The following PIAS1 variants were observed in gnomAD, a reference collection of about 807,000 sequenced individuals.
PIAS1 encodes E3 SUMO-protein ligase PIAS1.
A neutral mutation model predicts 71.3 loss-of-function variants in PIAS1; 6 were observed. The observed-to-expected ratio is 0.08, with a 90% CI of 0.05 to 0.17. PIAS1 has a LOEUF of 0.17. Ranked by LOEUF, PIAS1 falls within the 10% of genes least tolerant of loss-of-function variation. The pLI is 1.00. For missense variants in PIAS1, 555 were observed against 793.6 expected, an observed-to-expected ratio of 0.70 and a Z score of 3.61; for synonymous variants, 303 against 292.9, an observed-to-expected ratio of 1.03 and a Z score of -0.35.
At chr15:68,155,468 A>G (rs1028310273) in intron 7 of PIAS1, among the ~76,000 whole-genome samples, 5 of 151,508 alleles carry the variant, frequency 3.3e-5, no homozygotes, top group Non-Finnish European at 7.4e-5. Flanking sequence ...AAAAAAAAAA[A>G]AAAACCAAAA....
In PIAS1 at chr15:68,153,596, TC is replaced by T; in HGVS notation, c.837del (p.Met280TrpfsTer6). The T allele has an allele frequency of 6.7e-7, 1 of 1,494,960 alleles. No homozygotes were observed. The highest frequency in any genetic ancestry group is 1.2e-5 in the South Asian group (1 of 86,166). The allele number at this position is 1,494,960 out of a possible 1,614,324, so 92.6% of individuals were successfully genotyped here. A position where few individuals can be genotyped will look rare whatever the true frequency, so the allele number is the denominator to read the frequency against. On this transcript the variant is annotated frameshift_variant, in exon 7 of 14. Transcript: ENST00000249636. LOFTEE classifies it high-confidence loss of function. ...TACTTCTTTTTTTTTCCAGAACTAT[TC>T]CATGGCAGTATATCTTGTAAAACAG... ...SWTAEIGRNY[S>X]MAVYLVKQLS...
At chr15:68,109,390 A>G (rs1462270144) in intron 2 of PIAS1, among the ~76,000 whole-genome samples, 1 of 152,198 alleles carries the variant, frequency 6.6e-6, no homozygotes, top group East Asian at 1.9e-4. Flanking sequence ...TGTAAATGCC[A>G]TAAGGGCAGT....
chr15:68,071,382 A>AT (rs2092095274), intron 1 of PIAS1, among the ~76,000 whole-genome samples: 1 of 148,792 alleles, frequency 6.7e-6, no homozygotes, highest in Non-Finnish European at 1.5e-5. Context: ...TGCCTGGCTA[A>AT]TTTTTTGTAT....
intron 7 of PIAS1, among the ~76,000 whole-genome samples, chr15:68,160,885 T>C (rs958646672): frequency 1.3e-5 from 2 of 152,154 alleles, no homozygotes; most frequent in African/African-American, 4.8e-5. Context: ...GCTTCACTCC[T>C]AAGATTGAGA....
In PIAS1 at chr15:68,191,932, C is replaced by T. The variant is rs1425297712; in HGVS notation, c.*4097C>T. 6.6e-6 allele frequency: 1 copy of T among 152,192 alleles called. No homozygotes were observed. Among genetic ancestry groups the T allele is most frequent in the Non-Finnish European group, 1.5e-5 (1 of 68,032 alleles). The allele number at this position is 152,192 out of a possible 1,614,324, so 9.4% of individuals were successfully genotyped here. A position where few individuals can be genotyped will look rare whatever the true frequency, so the allele number is the denominator to read the frequency against. ...GAGCCCCAGGTTCTAATGACCATTC[C>T]ACACCAACTGTGTGTTTTTGGCAAG... On this transcript the variant is annotated 3_prime_UTR_variant, in exon 14 of 14. Coordinates refer to ENST00000249636, the MANE Select transcript of PIAS1 (RefSeq NM_016166.3).
At chr15:68,165,220 C>T (rs1323306013) in intron 8 of PIAS1, among the ~76,000 whole-genome samples, 3 of 152,144 alleles carry the variant, frequency 2.0e-5, no homozygotes, top group African/African-American at 4.8e-5. Flanking sequence ...CTCCCGGGTT[C>T]AGGCGATTCT....
chr15:68,177,705 A>G (rs912538220), intron 11 of PIAS1, among the ~76,000 whole-genome samples: 2 of 152,224 alleles, frequency 1.3e-5, no homozygotes, highest in Non-Finnish European at 2.9e-5. Flanking sequence ...GGGGGTGGTA[A>G]AACAAGTAGC....
chr15:68,164,459 G>T (rs2092943941), intron 7 of PIAS1, among the ~76,000 whole-genome samples: 1 of 152,134 alleles, frequency 6.6e-6, no homozygotes, highest in African/African-American at 2.4e-5. Context: ...ACATATTAGA[G>T]AAATTTCTCT....
rs1595786879 is a variant in PIAS1 at position 68,171,036 on chromosome 15, C to G, written c.1009-2696C>G. Among the ~76,000 whole-genome samples the G allele has an allele frequency of 6.9e-6, 1 of 145,308 alleles. No individual in the cohort carries two copies. The highest frequency in any genetic ancestry group is 1.9e-4 in the East Asian group (1 of 5,192). ...CTTAAAACACAAGCACATTGTACAG[C>G]TGTACAAAAATATTTTCTTTCTTTA... On this transcript the variant is annotated intron_variant, in intron 8 of 13. Coordinates refer to ENST00000249636, the MANE Select transcript of PIAS1 (RefSeq NM_016166.3). This position sits in a 1 kb window ranked among gnomAD's most constrained non-coding sequence, Gnocchi z 4.4.
intron 1 of PIAS1, among the ~76,000 whole-genome samples, chr15:68,055,506 G>A (rs2091885767): frequency 6.6e-6 from 1 of 152,016 alleles, no homozygotes; most frequent in African/African-American, 2.4e-5. Context: ...AGGGGGTGGT[G>A]GAACCCTTAT....
At chr15:68,083,623 A>G (rs1236314707) in intron 1 of PIAS1, among the ~76,000 whole-genome samples, 1 of 152,274 alleles carries the variant, frequency 6.6e-6, no homozygotes, top group East Asian at 1.9e-4. Flanking sequence ...AACATATTAT[A>G]GCATGAAAGA....
chr15:68,156,812 T>G (rs2092893360), intron 7 of PIAS1, among the ~76,000 whole-genome samples: 1 of 151,206 alleles, frequency 6.6e-6, no homozygotes, highest in Non-Finnish European at 1.5e-5. Context: ...TGAAGATAGA[T>G]GATAGAAAAC....
intron 1 of PIAS1, among the ~76,000 whole-genome samples, chr15:68,059,073 C>T (rs1397894388): frequency 2.8e-5 from 4 of 145,408 alleles, no homozygotes; most frequent in African/African-American, 1.0e-4. Flanking sequence ...GGCGCGATCT[C>T]GGCGCACTGC....
chr15:68,164,703 T>A (rs1256576184), intron 7 of PIAS1, 28 bp from the exon 8 acceptor site: 2 of 1,404,228 alleles, frequency 1.4e-6, no homozygotes, highest in African/African-American at 2.8e-5. Flanking sequence ...TCTGTTTGCT[T>A]TTTTTCTTCT....
At chr15:68,176,728 A>G in intron 11 of PIAS1, 74 bp downstream of exon 11, 1 of 994,702 alleles carries the variant, frequency 1.0e-6, no homozygotes, top group Non-Finnish European at 1.4e-6. Context: ...AAGACTTGCC[A>G]AATAAAATGA....
chr15:68,188,488 C>T lies in PIAS1; in HGVS notation c.*653C>T, dbSNP rs552082880. On this transcript the variant is annotated 3_prime_UTR_variant, in exon 14 of 14. Transcript: ENST00000249636. ...ACTGTTCCCTCTCCTCCCGAGTGTG[C>T]ATTCAGTTAATATAATCAGTTGCTT... is the stretch of plus-strand genomic sequence containing the variant. 41 of 152,430 alleles carry T rather than the reference C, an allele frequency of 2.7e-4. No homozygotes were observed. The highest frequency in any genetic ancestry group is 9.9e-4 in the African/African-American group (41 of 41,568). 9.4% of individuals were successfully genotyped at this position (152,430 alleles called of 1,614,324 possible).
intron 2 of PIAS1, among the ~76,000 whole-genome samples, chr15:68,098,200 T>A (rs934169245): frequency 4.6e-5 from 7 of 152,340 alleles, no homozygotes; most frequent in Admixed American, 1.3e-4. Context: ...AACCTATTGT[T>A]TACCAGAAGC....
At chr15:68,059,037 C>G (rs1009899028) in intron 1 of PIAS1, among the ~76,000 whole-genome samples, 14 of 128,160 alleles carry the variant, frequency 1.1e-4, no homozygotes, top group African/African-American at 3.9e-4. Flanking sequence ...CGGAGTCTTC[C>G]TCTGTTGCCC....
At chr15:68,074,995 C>T (rs2092142730) in intron 1 of PIAS1, among the ~76,000 whole-genome samples, 2 of 149,890 alleles carry the variant, frequency 1.3e-5, no homozygotes, top group Admixed American at 1.3e-4. Flanking sequence ...AATATGTTTT[C>T]ATGAGCCTCA....
Sources: gnomAD v4.1 joint callset for allele counts (sites outside exome capture counted in the v4.1 genomes callset) on GRCh38, gnomAD v4.1.1 for gene constraint, Gnocchi (gnomAD v3.1) non-coding constraint, MANE v1.5 for transcripts, NCBI Gene and HGNC (gene_info 2026-07-23, HGNC 2026-07-21) for gene names.